Variants in ZFAND3 observed in about 807,000 individuals in gnomAD.
ZFAND3 encodes zinc finger AN1-type containing 3.
In ZFAND3, 10 loss-of-function variants were observed where a neutral mutation model predicts 29.6. That is an observed-to-expected ratio of 0.34 (90% CI 0.21 to 0.57). The LOEUF (loss-of-function observed/expected upper bound fraction) is 0.57. ZFAND3 is among the 20% of genes least tolerant of loss of function. The pLI, the probability that ZFAND3 is intolerant of heterozygous loss-of-function variation, is 0.86. For synonymous variants in ZFAND3, 128 were observed against 112.6 expected (o/e 1.14, Z -0.87); for missense variants, 230 against 304.5 (o/e 0.76, Z 1.82).
rs139027006 is a variant in ZFAND3, at chr6:38,099,160, C to T, written c.361+16703C>T. On this transcript the variant is annotated intron_variant, in intron 4 of 5. Coordinates refer to ENST00000287218, the MANE Select transcript of ZFAND3 (RefSeq NM_021943.3). ...GCCACAGAGGGTTAATAGTTTCTTG[C>T]GATTAAAATCTGGGTAAGAAAGACT... Among the ~76,000 whole-genome samples, 3 of 152,140 alleles carry T rather than the reference C, an allele frequency of 2.0e-5. 1 individual carries two copies. The highest frequency in any genetic ancestry group is 3.9e-4 in the East Asian group (2 of 5,188).
chr6:38,070,899 T>C (rs926770969), intron 3 of ZFAND3, among the ~76,000 whole-genome samples: 2 of 152,068 alleles, frequency 1.3e-5, no homozygotes, highest in African/African-American at 4.8e-5. Context: ...AAAGAATAGC[T>C]CATTTTAACT....
At chr6:37,981,552 A>G (rs1344241559) in intron 2 of ZFAND3, among the ~76,000 whole-genome samples, 2 of 152,286 alleles carry the variant, frequency 1.3e-5, no homozygotes, top group African/African-American at 2.4e-5. Flanking sequence ...TGGGAGGATC[A>G]TGGAATTCTC....
chr6:37,994,128 G>T (rs1342402165), intron 2 of ZFAND3, among the ~76,000 whole-genome samples: 1 of 152,072 alleles, frequency 6.6e-6, no homozygotes, highest in African/African-American at 2.4e-5. Context: ...CTGTGTGTGT[G>T]TGTGTGTGTT....
intron 1 of ZFAND3, among the ~76,000 whole-genome samples, chr6:37,919,237 C>T (rs150183860): frequency 0.023 from 3,443 of 152,172 alleles, 86 homozygotes; most frequent in African/African-American, 0.064. Flanking sequence ...CGTGAGCCAC[C>T]GCGCCGGGCT....
At position 38,152,687 on chromosome 6, in the gene ZFAND3, C is replaced by G; in HGVS notation, c.*298C>G. The G allele has an allele frequency of 9.1e-7, 1 of 1,096,454 alleles. No homozygotes were observed. The highest frequency in any genetic ancestry group is 1.1e-6 in the Non-Finnish European group (1 of 902,512). The allele number at this position is 1,096,454 out of a possible 1,614,324, so 67.9% of individuals were successfully genotyped here. A position where few individuals can be genotyped will look rare whatever the true frequency, so the allele number is the denominator to read the frequency against. ...AACACATACCTGTCACTGCTGGAGTCAAACTTATAAAAAGCCTTAAGTGGA... is the reference window on the plus strand; with the variant it reads ...AACACATACCTGTCACTGCTGGAGTGAAACTTATAAAAAGCCTTAAGTGGA... On this transcript the variant is annotated 3_prime_UTR_variant, in exon 6 of 6. Coordinates refer to ENST00000287218, the MANE Select transcript of ZFAND3 (RefSeq NM_021943.3).
chr6:38,138,161 A>G (rs1475160513), intron 5 of ZFAND3, among the ~76,000 whole-genome samples: 1 of 152,084 alleles, frequency 6.6e-6, no homozygotes, highest in South Asian at 2.1e-4. Flanking sequence ...AAGAAAGAAA[A>G]AAAAAAGAAA....
chr6:37,962,848 C>T lies in ZFAND3; in HGVS notation c.112+32849C>T, dbSNP rs560192054. 1.2e-4 allele frequency among the ~76,000 whole-genome samples: 18 copies of T among 152,246 alleles called. No individual in the cohort carries two copies. The South Asian group carries it at 1.9e-3, about 16-fold the overall frequency. On this transcript the variant is annotated intron_variant, in intron 2 of 5. Transcript: ENST00000287218. ...CTTGCAGCTGCTCACTCTTTGGGTC[C>T]GCACTGCCTTTAAGAGCTGTAACAC...
At chr6:37,953,441 CTTTTT>C (rs35182018) in intron 2 of ZFAND3, among the ~76,000 whole-genome samples, 1 of 106,224 alleles carries the variant, frequency 9.4e-6, no homozygotes, top group Non-Finnish European at 1.8e-5. Flanking sequence ...GCATAATTAT[CTTTTT>C]TTTTTTTTTT....
chr6:37,919,966 C>G (rs1333334727), intron 1 of ZFAND3, among the ~76,000 whole-genome samples: 1 of 150,080 alleles, frequency 6.7e-6, no homozygotes, highest in Non-Finnish European at 1.5e-5. Flanking sequence ...CTACATTCCT[C>G]TTTTGAAATC....
chr6:37,920,587 C>CA (rs1761359637), intron 1 of ZFAND3, among the ~76,000 whole-genome samples: 1 of 152,172 alleles, frequency 6.6e-6, no homozygotes, highest in East Asian at 1.9e-4. Flanking sequence ...AATGCTAAAA[C>CA]CACTGCTAAT....
At chr6:38,032,614 A>G (rs1763582853) in intron 2 of ZFAND3, among the ~76,000 whole-genome samples, 1 of 152,236 alleles carries the variant, frequency 6.6e-6, no homozygotes. Flanking sequence ...TTCAAAGGGC[A>G]TTTGATAAAT....
At chr6:37,867,845 A>G (rs1009381539) in intron 1 of ZFAND3, among the ~76,000 whole-genome samples, 1 of 152,216 alleles carries the variant, frequency 6.6e-6, no homozygotes, top group Admixed American at 6.5e-5. Flanking sequence ...GTGAAAAAGT[A>G]CTTTGGGTGA....
At chr6:37,929,762 TG>T (rs1186163795) in intron 1 of ZFAND3, among the ~76,000 whole-genome samples, 196 bp from the exon 2 acceptor site, 3 of 119,540 alleles carry the variant, frequency 2.5e-5, no homozygotes, top group South Asian at 2.4e-4. Context: ...TTTATATTTT[TG>T]TTTTTTTTTT....
At chr6:37,887,396 G>A (rs2127394772) in intron 1 of ZFAND3, among the ~76,000 whole-genome samples, 1 of 152,184 alleles carries the variant, frequency 6.6e-6, no homozygotes, top group South Asian at 2.1e-4. Context: ...TAAAGCATTT[G>A]TTTTATATCA....
intron 2 of ZFAND3, among the ~76,000 whole-genome samples, chr6:37,958,030 C>G (rs1196576170): frequency 6.6e-6 from 1 of 151,538 alleles, no homozygotes; most frequent in Non-Finnish European, 1.5e-5. Flanking sequence ...ATTTTTTTTT[C>G]TTGGAAAGAA....
chr6:38,117,057 C>T (rs1411106745), intron 5 of ZFAND3, among the ~76,000 whole-genome samples: 1 of 152,150 alleles, frequency 6.6e-6, no homozygotes, highest in Non-Finnish European at 1.5e-5. Context: ...CTTCTCACGA[C>T]TTCAGAAGTT....
At chr6:37,900,118 A>G (rs73419461) in intron 1 of ZFAND3, among the ~76,000 whole-genome samples, 10,200 of 152,204 alleles carry the variant, frequency 0.067, 408 homozygotes, top group Non-Finnish European at 0.085. Flanking sequence ...ATGGACATTT[A>G]GGTTATTACC....
intron 4 of ZFAND3, among the ~76,000 whole-genome samples, chr6:38,092,779 A>G (rs1764899707): frequency 6.6e-6 from 1 of 152,220 alleles, no homozygotes; most frequent in African/African-American, 2.4e-5. Context: ...GATAGGAGAA[A>G]TCTGTAACGG....
intron 2 of ZFAND3, among the ~76,000 whole-genome samples, chr6:38,001,937 A>G (rs977161577): frequency 6.6e-6 from 1 of 152,126 alleles, no homozygotes; most frequent in African/African-American, 2.4e-5. Flanking sequence ...AAATATTGAT[A>G]TATTAGGTGA....
Sources: gnomAD v4.1 joint callset for allele counts (sites outside exome capture counted in the v4.1 genomes callset) on GRCh38, gnomAD v4.1.1 for gene constraint, MANE v1.5 for transcripts, NCBI Gene and HGNC (gene_info 2026-07-23, HGNC 2026-07-21) for gene names.